Variants in PTPRB observed in about 807,000 individuals in gnomAD.
The protein encoded by PTPRB is protein tyrosine phosphatase receptor type B.
PTPRB carries 97 observed loss-of-function variants against 238.1 expected under a neutral mutation model. The observed-to-expected ratio is 0.41, with a 90% CI of 0.35 to 0.48. The LOEUF (loss-of-function observed/expected upper bound fraction) is 0.48. Ranked by LOEUF, PTPRB falls within the 20% of genes least tolerant of loss-of-function variation. The probability of loss-of-function intolerance (pLI) is 0.30; values close to 1 mark genes in which losing one functional copy is unlikely to be tolerated. For synonymous variants in PTPRB, 970 were observed against 995.4 expected, an observed-to-expected ratio of 0.97 and a Z score of 0.48; for missense variants, 2,292 against 2,681.9, an observed-to-expected ratio of 0.85 and a Z score of 3.21.
At chr12:70,572,799 A>G (rs1332673392) in intron 11 of PTPRB, among the ~76,000 whole-genome samples, 5 of 150,814 alleles carry the variant, frequency 3.3e-5, no homozygotes, top group African/African-American at 9.7e-5. Context: ...AAAAGAAAAG[A>G]AAAGGAAAAA....
intron 10 of PTPRB, among the ~76,000 whole-genome samples, chr12:70,579,027 G>C (rs115597213): frequency 1.6e-4 from 24 of 152,266 alleles, no homozygotes; most frequent in African/African-American, 5.5e-4. Flanking sequence ...CTGATAGTAG[G>C]AGACTGTATC....
At chr12:70,553,168 T>C (rs947787483) in intron 20 of PTPRB, 148 bp from the exon 21 acceptor site, 2 of 1,024,992 alleles carry the variant, frequency 2.0e-6, no homozygotes, top group African/African-American at 3.2e-5. Context: ...AAGAACGATG[T>C]GAAATTCTCC....
At chr12:70,614,814 T>C (rs182461971) in intron 3 of PTPRB, among the ~76,000 whole-genome samples, 1 of 152,300 alleles carries the variant, frequency 6.6e-6, no homozygotes, top group Non-Finnish European at 1.5e-5. Flanking sequence ...CTGGCAAAAG[T>C]GAATACAATT....
chr12:70,589,847 T>A, intron 8 of PTPRB, 117 bp downstream of exon 8: 7 of 1,018,622 alleles, frequency 6.9e-6, no homozygotes, highest in African/African-American at 1.6e-5. Context: ...GTCCTTAATA[T>A]CTCAAATTCA....
intron 2 of PTPRB, among the ~76,000 whole-genome samples, chr12:70,630,121 A>G (rs1415971621): frequency 6.6e-6 from 1 of 152,170 alleles, no homozygotes; most frequent in Non-Finnish European, 1.5e-5. Flanking sequence ...ACAAAAAAAG[A>G]GAATTTTAGA....
intron 1 of PTPRB, 30 bp from the exon 2 acceptor site, chr12:70,636,096 T>C: frequency 6.5e-7 from 1 of 1,537,936 alleles, no homozygotes; most frequent in East Asian, 2.3e-5. Flanking sequence ...TAAAGCACTA[T>C]GTAGCAAATT....
chr12:70,547,733 C>G (rs890406655), intron 21 of PTPRB, among the ~76,000 whole-genome samples: 7 of 152,046 alleles, frequency 4.6e-5, no homozygotes, highest in Admixed American at 2.0e-4. Flanking sequence ...TCTTGAACTC[C>G]TGGGCTCAAG....
chr12:70,627,337 C>T (rs913524853), intron 2 of PTPRB, among the ~76,000 whole-genome samples: 11 of 152,040 alleles, frequency 7.2e-5, no homozygotes, highest in South Asian at 2.1e-4. Context: ...ACTTGGCGTG[C>T]GCAGGACTGA....
rs1275254225 is a variant in PTPRB at position 70,635,671 on chromosome 12, C to T, written c.451G>A (p.Ala151Thr). 3.7e-6 allele frequency: 6 copies of T among 1,612,078 alleles called. No individual in the cohort carries two copies. The African/African-American group carries it at 6.7e-5, about 18-fold the overall frequency. ...LVNESLCLQKAGLGAEVSVRS... is the reference protein window; with the variant it reads ...LVNESLCLQKTGLGAEVSVRS... ...ATTTGCTCTGAAAGGAATAGCTCAC[C>T]TTTTTGTAAACAGAGGCTTTCATTG... The change falls in exon 2 of 34, where the codon GCT becomes ACT. Residue 151 changes from alanine (A) to threonine (T), a missense_variant and splice_region_variant. Ala to Thr is a moderately conservative substitution (Grantham distance 58). Coordinates refer to ENST00000334414, the MANE Select transcript of PTPRB (RefSeq NM_001109754.4).
intron 21 of PTPRB, among the ~76,000 whole-genome samples, chr12:70,548,340 TCTCTCTCACACA>T (rs148015596): frequency 0.19 from 10,817 of 57,308 alleles, 525 homozygotes; most frequent in Non-Finnish European, 0.23. Flanking sequence ...TCTCTCTCTC[TCTCTCTCACACA>T]CACACACACA....
chr12:70,610,416 C>A (rs1884373784), intron 3 of PTPRB, among the ~76,000 whole-genome samples: 1 of 151,256 alleles, frequency 6.6e-6, no homozygotes, highest in South Asian at 2.1e-4. Flanking sequence ...CCCTCCACAC[C>A]CAGCGTCTCC....
chr12:70,603,260 T>G (rs892571362), intron 4 of PTPRB, among the ~76,000 whole-genome samples: 1 of 152,172 alleles, frequency 6.6e-6, no homozygotes, highest in Non-Finnish European at 1.5e-5. Context: ...TGTAAATGGC[T>G]GATTACAAAA....
At position 70,528,603 on chromosome 12, in the gene PTPRB, T is replaced by TGAGTC. The variant is rs890625988; in HGVS notation, c.6504+3427_6504+3431dup. The stretch of plus-strand genomic sequence containing the variant: ...ATCCACTCCATTGAGCCCAGGAGTT[T>TGAGTC]GAGTCTAGCCTGGTGAACATAGTGA... On this transcript the variant is annotated intron_variant, in intron 32 of 33. Coordinates refer to ENST00000334414, the MANE Select transcript of PTPRB (RefSeq NM_001109754.4). Among the ~76,000 whole-genome samples the TGAGTC allele has an allele frequency of 3.9e-5, 6 of 152,216 alleles. No individual in the cohort carries two copies. In the East Asian group the frequency reaches 1.2e-3, roughly 30 times the overall value.
Position 70,555,980 on chromosome 12 carries a change from A to G in PTPRB, c.4883T>C (p.Leu1628Pro). ...ATGGGGCACTAGCATCATGATGTTG[A>G]GCAGAGATTTTTCTTTCTCCAGCTT... ...SRKLEKEKSL[L>P]NIMMLVPHKR... is the part of the protein sequence containing the mutation. Residue 1628 changes from leucine (L) to proline (P), a missense_variant, in exon 19 of 34, where the codon CTC (leucine) becomes CCC (proline). Physicochemically the swap from Leu to Pro is moderately conservative, Grantham distance 98 (BLOSUM62 -3). This residue lies in a region of PTPRB where 683 missense variants were observed against 862.0 expected (regional missense o/e 0.79). Coordinates refer to ENST00000334414, the MANE Select transcript of PTPRB (RefSeq NM_001109754.4). 1 of 1,613,928 alleles carries G rather than the reference A, an allele frequency of 6.2e-7. No individual in the cohort carries two copies. Among genetic ancestry groups the G allele is most frequent in the Non-Finnish European group, 8.5e-7 (1 of 1,179,876 alleles).
intron 10 of PTPRB, among the ~76,000 whole-genome samples, chr12:70,579,195 C>T (rs998282006): frequency 6.6e-6 from 1 of 152,166 alleles, no homozygotes; most frequent in African/African-American, 2.4e-5. Flanking sequence ...TTCTCCTTCC[C>T]TATTCTGACA....
At chr12:70,534,222 A>G (rs1873735535) in intron 31 of PTPRB, among the ~76,000 whole-genome samples, 1 of 152,186 alleles carries the variant, frequency 6.6e-6, no homozygotes, top group East Asian at 1.9e-4. Context: ...TTCAGAAAGT[A>G]GGAAAAAAGC....
At chr12:70,562,591 C>T (rs1055451292) in intron 16 of PTPRB, among the ~76,000 whole-genome samples, 31 of 152,154 alleles carry the variant, frequency 2.0e-4, no homozygotes, top group African/African-American at 5.3e-4. Flanking sequence ...GAGGAGGAAC[C>T]GCATTCATTT....
chr12:70,627,686 A>G (rs994395212), intron 2 of PTPRB, among the ~76,000 whole-genome samples: 4 of 152,036 alleles, frequency 2.6e-5, no homozygotes, highest in Non-Finnish European at 4.4e-5. Flanking sequence ...ATCTTCAATG[A>G]TCATATAAAT....
At chr12:70,582,854 C>T (rs2136428486) in intron 9 of PTPRB, among the ~76,000 whole-genome samples, 1 of 152,164 alleles carries the variant, frequency 6.6e-6, no homozygotes, top group Admixed American at 6.5e-5. Flanking sequence ...GACAAACAAA[C>T]AATCCTATTT....
Sources: allele counts gnomAD v4.1 joint callset (sites outside exome capture counted in the v4.1 genomes callset), GRCh38; gene constraint gnomAD v4.1.1; regional missense constraint gnomAD v4.1.1; transcripts MANE v1.5; gene names NCBI Gene and HGNC (gene_info 2026-07-23, HGNC 2026-07-21).